GGA3: variants seen among roughly 807,000 people sequenced by gnomAD.
GGA3 encodes ADP-ribosylation factor-binding protein GGA3.
A neutral mutation model predicts 77.5 loss-of-function variants in GGA3; 57 were observed. The observed-to-expected ratio is 0.74, with a 90% CI of 0.59 to 0.92. The LOEUF (loss-of-function observed/expected upper bound fraction) is 0.92. GGA3 is among the 40% of genes least tolerant of loss of function. The pLI, the probability that GGA3 is intolerant of heterozygous loss-of-function variation, is 0.00. For missense variants in GGA3, 970 were observed against 914.9 expected (o/e 1.06, Z -0.78); for synonymous variants, 416 against 383.7 (o/e 1.08, Z -0.98).
In GGA3 at chr17:75,240,335, C is replaced by T; in HGVS notation, c.1263+7G>A. 6.3e-7 allele frequency: 1 copy of T among 1,576,734 alleles called. No individual in the cohort carries two copies. Among genetic ancestry groups the T allele is most frequent in the Non-Finnish European group, 8.6e-7 (1 of 1,156,142 alleles). On this transcript the variant is annotated splice_region_variant and intron_variant, in intron 12 of 16. Coordinates refer to ENST00000537686, the MANE Select transcript of GGA3 (RefSeq NM_138619.4). ...CAGTAGTGCTGTCACCGATCCTGTG[C>T]CCCTACCTGGAGCAGGTGCCACTGG...
rs1598413766 is a variant in GGA3 at position 75,246,745 on chromosome 17, C to T, written c.92G>A (p.Gly31Asp). ...CTCCTTGTTGATCTGATCACAGAAG[C>T]CAATTATGTATTCCCAGTCCTCCTG... ...NRQEDWEYIIGFCDQINKELE... is the reference protein window; with the variant it reads ...NRQEDWEYIIDFCDQINKELE... Residue 31 changes from glycine to aspartate, a missense_variant, in exon 2 of 17, where the codon GGC becomes GAC. Coordinates refer to ENST00000537686, the MANE Select transcript of GGA3 (RefSeq NM_138619.4). 1 of 1,613,984 alleles carries T rather than the reference C, an allele frequency of 6.2e-7. No homozygotes were observed. Among genetic ancestry groups the T allele is most frequent in the Non-Finnish European group, 8.5e-7 (1 of 1,179,964 alleles).
At chr17:75,240,672 T>C (rs1186143382) in intron 11 of GGA3, 140 bp downstream of exon 11, 2 of 1,009,124 alleles carry the variant, frequency 2.0e-6, no homozygotes, top group Non-Finnish European at 2.8e-6. Context: ...GTCGCTGAAC[T>C]TCACTGAGTA....
Position 75,242,928 on chromosome 17 carries a change from T to G in GGA3, c.529-17A>C. 6.2e-7 allele frequency: 1 copy of G among 1,607,398 alleles called. No homozygotes were observed. The highest frequency in any genetic ancestry group is 2.2e-5 in the East Asian group (1 of 44,852). ...GGCTAAAAGCTGAGAGAGGAGGAAATCAGAGGTGAAGGGAAGAGGCAGCAC... is the reference window on the plus strand; with the variant it reads ...GGCTAAAAGCTGAGAGAGGAGGAAAGCAGAGGTGAAGGGAAGAGGCAGCAC... On this transcript the variant is annotated splice_polypyrimidine_tract_variant and intron_variant, in intron 6 of 16. Transcript: ENST00000537686.
At chr17:75,250,010 T>C (rs1321326782) in intron 1 of GGA3, among the ~76,000 whole-genome samples, 1 of 152,224 alleles carries the variant, frequency 6.6e-6, no homozygotes, top group Non-Finnish European at 1.5e-5. Context: ...AAGCCCTAGT[T>C]TCTGCAATGG....
chr17:75,241,909 A>G lies in GGA3; in HGVS notation c.748-213T>C. 5.0e-6 allele frequency: 3 copies of G among 599,396 alleles called. No homozygotes were observed. The South Asian group carries it at 5.7e-5, about 11-fold the overall frequency. 37.1% of individuals were successfully genotyped at this position (599,396 alleles called of 1,614,324 possible). A position where few individuals can be genotyped will look rare whatever the true frequency, so the allele number is the denominator to read the frequency against. On this transcript the variant is annotated intron_variant, in intron 8 of 16. Transcript: ENST00000537686. ...GTTTGTCTAGGTAGCAGTCACCAGG[A>G]TGGGTCAGGGGAAGTCAGTCCCCTC...
chr17:75,242,796 T>C (rs2076608653), intron 7 of GGA3, 35 bp downstream of exon 7: 1 of 1,539,258 alleles, frequency 6.5e-7, no homozygotes, highest in South Asian at 1.1e-5. Context: ...CATGGGCTCC[T>C]CCACCCCGTG....
chr17:75,261,915 A>T (rs755596097), upstream of GGA3: 6 of 1,608,924 alleles, frequency 3.7e-6, no homozygotes, highest in Admixed American at 8.3e-5. Flanking sequence ...CTGCCCCCGC[A>T]GTGAAGGTTG....
chr17:75,261,608 C>T (rs770957261), upstream of GGA3: 23 of 1,537,102 alleles, frequency 1.5e-5, no homozygotes, highest in East Asian at 1.2e-4. Flanking sequence ...CCCGGCCCCG[C>T]GGCTTCAAAA....
chr17:75,261,951 G>C (rs773305495), upstream of GGA3: 50 of 1,608,178 alleles, frequency 3.1e-5, no homozygotes, highest in Non-Finnish European at 4.1e-5. Flanking sequence ...GCCTGGCGTT[G>C]GGCGTGCGGC....
intron 1 of GGA3, among the ~76,000 whole-genome samples, chr17:75,251,382 T>C (rs538410057): frequency 2.6e-5 from 4 of 151,602 alleles, no homozygotes; most frequent in African/African-American, 7.3e-5. Flanking sequence ...CAGTAGATAA[T>C]TGGGCTAATT....
upstream of GGA3, chr17:75,262,149 CT>C (rs1193675062): frequency 4.7e-5 from 38 of 813,824 alleles, no homozygotes; most frequent in Non-Finnish European, 7.0e-5. Context: ...GGTTTAGTGA[CT>C]ACCTCTCGCC....
At chr17:75,257,219 A>G (rs1054848871) in intron 1 of GGA3, among the ~76,000 whole-genome samples, 59 of 151,396 alleles carry the variant, frequency 3.9e-4, no homozygotes, top group Admixed American at 1.1e-3. Flanking sequence ...GCTCCTGTAT[A>G]GATGCTCCTT....
At chr17:75,262,031 G>T (rs761307868), upstream of GGA3, 2 of 1,596,170 alleles carry the variant, frequency 1.3e-6, no homozygotes, top group African/African-American at 2.7e-5. Flanking sequence ...AGGAAGGAAG[G>T]GGGCCACAGG....
chr17:75,261,474 G>C, intron 1 of GGA3, 74 bp downstream of exon 1: 1 of 1,219,330 alleles, frequency 8.2e-7, no homozygotes, highest in Non-Finnish European at 1.1e-6. Context: ...TGGAGCCCGG[G>C]GAGGGGACGT....
chr17:75,258,952 CT>C (rs1189517940), intron 1 of GGA3, among the ~76,000 whole-genome samples: 13,019 of 131,182 alleles, frequency 0.099, 560 homozygotes, highest in African/African-American at 0.18. Flanking sequence ...TGCCTTGTAT[CT>C]TTTTTTTTTT....
At position 75,237,752 on chromosome 17, in the gene GGA3, G is replaced by A. The variant is rs747643612; in HGVS notation, c.*527C>T. 2.0e-4 allele frequency: 290 copies of A among 1,431,796 alleles called. 1 individual carries two copies. The highest frequency in any genetic ancestry group is 1.3e-3 in the Middle Eastern group (5 of 3,922). 88.7% of individuals were successfully genotyped at this position (1,431,796 alleles called of 1,614,324 possible). ...GCAGTATGCCAGTTCCTTATTCTGG[G>A]CCAGGCACCTTCCTGGGCCACCTCC... On this transcript the variant is annotated 3_prime_UTR_variant, in exon 17 of 17. Transcript: ENST00000537686.
rs541510883 is a variant in GGA3, at chr17:75,240,051, C to T, written c.1321G>A (p.Ala441Thr). The T allele has an allele frequency of 9.7e-6, 15 of 1,551,978 alleles. No individual in the cohort carries two copies. Among genetic ancestry groups the T allele is most frequent in the Middle Eastern group, 2.2e-4 (1 of 4,556 alleles). ...SPRPGTAACG[A>T]SDAPLLQPSA... The stretch of plus-strand genomic sequence containing the variant: ...GGCTGGAGCAGAGGAGCATCGGAGG[C>T]GCCACAGGCAGCGGTCCCCGGCCTG... Residue 441 changes from alanine to threonine, a missense_variant, in exon 13 of 17, where the codon GCC becomes ACC. Transcript: ENST00000537686.
intron 16 of GGA3, 93 bp downstream of exon 16, chr17:75,238,559 A>G: frequency 9.6e-7 from 1 of 1,039,784 alleles, no homozygotes; most frequent in Non-Finnish European, 1.5e-6. Flanking sequence ...TCCTACAGTC[A>G]AAACACTTCC....
intron 8 of GGA3, 157 bp downstream of exon 8, chr17:75,242,179 C>T (rs2076581467): frequency 2.6e-6 from 2 of 782,864 alleles, no homozygotes; most frequent in Non-Finnish European, 4.3e-6. Flanking sequence ...ACGCCACCCT[C>T]TACTGACGTG....
Sources: gnomAD v4.1 joint callset for allele counts (sites outside exome capture counted in the v4.1 genomes callset) on GRCh38, gnomAD v4.1.1 for gene constraint, MANE v1.5 for transcripts, NCBI Gene and HGNC (gene_info 2026-07-23, HGNC 2026-07-21) for gene names.